MTAP: variants seen among roughly 807,000 people sequenced by gnomAD.
MTAP encodes S-methyl-5'-thioadenosine phosphorylase.
A neutral mutation model predicts 33.6 loss-of-function variants in MTAP; 33 were observed. The observed-to-expected ratio is 0.98, with a 90% confidence interval of 0.74 to 1.31. The LOEUF (loss-of-function observed/expected upper bound fraction) is 1.31. Among genes scored for constraint, MTAP ranks in the 40% most tolerant of loss-of-function variants. The probability of loss-of-function intolerance (pLI) is 0.00; values close to 1 mark genes in which losing one functional copy is unlikely to be tolerated. For synonymous variants in MTAP, 148 were observed against 125.7 expected, an observed-to-expected ratio of 1.18 and a Z score of -1.19; for missense variants, 367 against 360.0, an observed-to-expected ratio of 1.02 and a Z score of -0.16.
chr9:21,921,108 A>T (rs1292216396), intron 1 of MTAP, among the ~76,000 whole-genome samples: 1 of 151,790 alleles, frequency 6.6e-6, no homozygotes, highest in African/African-American at 2.4e-5. Context: ...TTTTTTCTTT[A>T]TGATTCAATC....
intron 1 of MTAP, among the ~76,000 whole-genome samples, chr9:21,877,995 T>G (rs1826035414): frequency 6.6e-6 from 1 of 152,108 alleles, no homozygotes; most frequent in South Asian, 2.1e-4. Context: ...CATGAGCTTT[T>G]TATGGTTGGA....
At chr9:21,831,414 G>A (rs1012776145) in intron 4 of MTAP, among the ~76,000 whole-genome samples, 1 of 152,146 alleles carries the variant, frequency 6.6e-6, no homozygotes, top group African/African-American at 2.4e-5. Flanking sequence ...GCAGCTCACT[G>A]TAGCCTCTAC....
chr9:21,814,317 G>A (rs1234350890), intron 1 of MTAP, among the ~76,000 whole-genome samples: 1 of 152,080 alleles, frequency 6.6e-6, no homozygotes, highest in Admixed American at 6.5e-5. Context: ...ATTTAATGCA[G>A]ATGTTCACTG....
chr9:21,925,190 A>C (rs1157080220), intron 1 of MTAP, among the ~76,000 whole-genome samples: 1 of 152,204 alleles, frequency 6.6e-6, no homozygotes, highest in African/African-American at 2.4e-5. Flanking sequence ...AACTATAATA[A>C]AATTGGTCTT....
intron 4 of MTAP, among the ~76,000 whole-genome samples, chr9:21,821,338 C>CAT: frequency 6.6e-6 from 1 of 152,118 alleles, no homozygotes; most frequent in African/African-American, 2.4e-5. Context: ...GCATGAAGGG[C>CAT]TGTTGAATTT....
At position 21,820,170 on chromosome 9, in the gene MTAP, G is replaced by T. The variant is rs539759861; in HGVS notation, c.347+1968G>T. Among the ~76,000 whole-genome samples, 379 of 152,196 alleles carry T rather than the reference G, an allele frequency of 2.5e-3. 1 individual carries two copies. Among genetic ancestry groups the T allele is most frequent in the African/African-American group, 8.8e-3 (364 of 41,522 alleles). The stretch of plus-strand genomic sequence containing the variant: ...AATTAGATCCCATTTGTCAATTTTG[G>T]CTTTTGTTGCCATTGCTTTTGGTGT... On this transcript the variant is annotated intron_variant, in intron 4 of 7. Transcript: ENST00000644715.
chr9:21,811,971 A>G (rs1587198155), intron 1 of MTAP: 1 of 323,872 alleles, frequency 3.1e-6, no homozygotes, highest in Non-Finnish European at 6.1e-6. Flanking sequence ...AAGCATGTGC[A>G]TGTCCACCTC....
intron 1 of MTAP, among the ~76,000 whole-genome samples, chr9:21,914,954 T>C (rs1818651237): frequency 6.6e-6 from 1 of 151,630 alleles, no homozygotes; most frequent in African/African-American, 2.4e-5. Flanking sequence ...GACATAACGT[T>C]CTCAAGGTAC....
At chr9:21,910,239 A>T (rs1275878166) in intron 1 of MTAP, among the ~76,000 whole-genome samples, 1 of 152,224 alleles carries the variant, frequency 6.6e-6, no homozygotes, top group African/African-American at 2.4e-5. Context: ...TAAGATACAT[A>T]AATTACCAAA....
At chr9:21,934,047 G>C (rs1050015443), downstream of MTAP, 5 of 152,194 alleles carry the variant, frequency 3.3e-5, no homozygotes, top group Admixed American at 3.3e-4. The surrounding 1 kb of genome is among the most constrained non-coding windows in gnomAD (Gnocchi z 5.0). Context: ...AGCCTCCAGA[G>C]TTACAGCTGA....
intron 1 of MTAP, among the ~76,000 whole-genome samples, chr9:21,875,463 T>G (rs903231497): frequency 1.3e-5 from 2 of 152,150 alleles, no homozygotes; most frequent in South Asian, 4.2e-4. Flanking sequence ...CTAAATTTGT[T>G]TAAGTTCCTT....
At chr9:21,817,619 A>G (rs998060515) in intron 3 of MTAP, among the ~76,000 whole-genome samples, 2 of 152,068 alleles carry the variant, frequency 1.3e-5, no homozygotes, top group African/African-American at 4.8e-5. Context: ...CAAAGGTGCT[A>G]GAAGTCACCT....
chr9:21,864,408 A>T lies in MTAP; in HGVS notation c.*2394A>T. 1.0e-6 allele frequency: 1 copy of T among 984,960 alleles called. No individual in the cohort carries two copies. Among genetic ancestry groups the T allele is most frequent in the Non-Finnish European group, 1.2e-6 (1 of 829,842 alleles). 61.0% of individuals were successfully genotyped at this position (984,960 alleles called of 1,614,324 possible). ...GTGAACACCATGGTCAGTTGTGAGC[A>T]TTTTGGTTTCCGCAAAGGATGGATG... On this transcript the variant is annotated 3_prime_UTR_variant, in exon 8 of 8. Transcript: ENST00000644715.
chr9:21,928,028 A>C (rs1044717106), intron 1 of MTAP, among the ~76,000 whole-genome samples: 1 of 152,216 alleles, frequency 6.6e-6, no homozygotes, highest in Non-Finnish European at 1.5e-5. Flanking sequence ...AGAGGCAGCC[A>C]TCTCAAAAGA....
chr9:21,865,089 G>A lies in MTAP; in HGVS notation c.*3075G>A. On this transcript the variant is annotated 3_prime_UTR_variant, in exon 8 of 8. Coordinates refer to ENST00000644715, the MANE Select transcript of MTAP (RefSeq NM_002451.4). ...TCCCTCCTTGATAAGGTTTGGCGGTGTCCCCACCCAAATCTCATGTTGAAT... is the reference window on the plus strand; with the variant it reads ...TCCCTCCTTGATAAGGTTTGGCGGTATCCCCACCCAAATCTCATGTTGAAT... 1.0e-6 allele frequency: 1 copy of A among 985,378 alleles called. No individual in the cohort carries two copies. Among genetic ancestry groups the A allele is most frequent in the Non-Finnish European group, 1.2e-6 (1 of 829,904 alleles). 61.0% of individuals were successfully genotyped at this position (985,378 alleles called of 1,614,324 possible).
At chr9:21,917,154 G>C (rs1587295862) in intron 1 of MTAP, among the ~76,000 whole-genome samples, 1 of 152,326 alleles carries the variant, frequency 6.6e-6, no homozygotes, top group Middle Eastern at 3.4e-3. Flanking sequence ...GGGTGGAGCA[G>C]CACTCAGGGG....
intron 4 of MTAP, among the ~76,000 whole-genome samples, chr9:21,831,136 G>A (rs1824956483): frequency 6.6e-6 from 1 of 152,064 alleles, no homozygotes; most frequent in Non-Finnish European, 1.5e-5. Context: ...TGATGATATG[G>A]CCTTTCTTTC....
intron 1 of MTAP, among the ~76,000 whole-genome samples, chr9:21,927,393 G>A (rs1453042510): frequency 4.6e-5 from 7 of 152,096 alleles, no homozygotes; most frequent in Non-Finnish European, 8.8e-5. Context: ...TAAAAAGACC[G>A]CAATGGATCA....
At chr9:21,844,512 A>G (rs1825328391) in intron 5 of MTAP, among the ~76,000 whole-genome samples, 1 of 152,226 alleles carries the variant, frequency 6.6e-6, no homozygotes. Context: ...CCAACAGCAT[A>G]TGAAAAAGAT....
Sources: allele counts gnomAD v4.1 joint callset (sites outside exome capture counted in the v4.1 genomes callset), GRCh38; gene constraint gnomAD v4.1.1; non-coding constraint Gnocchi (gnomAD v3.1); transcripts MANE v1.5; gene names NCBI Gene and HGNC (gene_info 2026-07-23, HGNC 2026-07-21).